Variants in LECT2 observed in about 807,000 individuals in gnomAD.
The protein encoded by LECT2 is leukocyte cell-derived chemotaxin-2.
LECT2 carries 11 observed loss-of-function variants against 16.6 expected under a neutral mutation model. The ratio of observed to expected loss-of-function variants is 0.66; its 90% CI spans 0.42 to 1.09. The LOEUF is 1.09. LECT2 is among the 50% of genes least tolerant of loss of function. LECT2 has a pLI of 0.00. For synonymous variants in LECT2, 54 were observed against 64.8 expected (o/e 0.83, Z 0.80); for missense variants, 173 against 184.2 (o/e 0.94, Z 0.35).
chr5:135,947,400 A>C lies in LECT2; in HGVS notation c.387T>G (p.Val129=), dbSNP rs1207506776. 1.2e-6 allele frequency: 2 copies of C among 1,614,016 alleles called. No homozygotes were observed. Among genetic ancestry groups the C allele is most frequent in the Admixed American group, 3.3e-5 (2 of 60,010 alleles). Residue 129 remains valine (V), a synonymous_variant, in exon 4 of 4, where the codon GTT becomes GTG. Transcript: ENST00000274507. ...GCACATGCGATTGTATGCCAGGATA[A>C]ACTTTCTGCAAGGGCAATAGAGTTC... ...KLGTLLPLQK[V]YPGIQSHVHI... is the part of the protein sequence containing the mutation.
At chr5:135,950,353 GTTTAATTCTA>G (rs1254665884) in intron 3 of LECT2, among the ~76,000 whole-genome samples, 1 of 152,218 alleles carries the variant, frequency 6.6e-6, no homozygotes, top group Non-Finnish European at 1.5e-5. Context: ...AGTGCATGCT[GTTTAATTCTA>G]TTTATACCAT....
At chr5:135,947,648 G>T in intron 3 of LECT2, 151 bp from the exon 4 acceptor site, 1 of 956,382 alleles carries the variant, frequency 1.0e-6, no homozygotes. Flanking sequence ...TATTAAAAAG[G>T]AAGACTAAAT....
intron 2 of LECT2, 146 bp downstream of exon 2, chr5:135,952,724 TC>T: frequency 1.7e-6 from 1 of 598,912 alleles, no homozygotes; most frequent in Admixed American, 2.6e-5. Flanking sequence ...TGGAAGCTGC[TC>T]CAAAGACAGT....
intron 1 of LECT2, among the ~76,000 whole-genome samples, chr5:135,954,190 A>G (rs1763830810): frequency 6.6e-6 from 1 of 152,238 alleles, no homozygotes; most frequent in South Asian, 2.1e-4. Context: ...GAACCTACAG[A>G]ATATGGCCAT....
At position 135,954,890 on chromosome 5, in the gene LECT2, T is replaced by G; in HGVS notation, c.-57A>C. ...ATTAGAGTTGCCCCCACACTCTCTT[T>G]GAAGAATATTCAAGTTTGAATGAAT... On this transcript the variant is annotated 5_prime_UTR_variant, in exon 1 of 4. Coordinates refer to ENST00000274507, the MANE Select transcript of LECT2 (RefSeq NM_002302.3). 1 of 1,255,488 alleles carries G rather than the reference T, an allele frequency of 8.0e-7. No individual in the cohort carries two copies. Among genetic ancestry groups the G allele is most frequent in the African/African-American group, 1.5e-5 (1 of 68,074 alleles). 77.8% of individuals were successfully genotyped at this position (1,255,488 alleles called of 1,614,324 possible).
At position 135,954,901 on chromosome 5, in the gene LECT2, C is replaced by CTTGTCAAAAAATCAGGCTA; in HGVS notation, c.-69_-68insTAGCCTGATTTTTTGACAA. 2 of 1,170,208 alleles carry CTTGTCAAAAAATCAGGCTA rather than the reference C, an allele frequency of 1.7e-6. No homozygotes were observed. Among genetic ancestry groups the CTTGTCAAAAAATCAGGCTA allele is most frequent in the Middle Eastern group, 1.9e-4 (1 of 5,182 alleles). The allele number at this position is 1,170,208 out of a possible 1,614,324, so 72.5% of individuals were successfully genotyped here. On this transcript the variant is annotated 5_prime_UTR_variant, in exon 1 of 4. Transcript: ENST00000274507. Reference sequence around the variant, plus strand: ...CCCCACACTCTCTTTGAAGAATATTCAAGTTTGAATGAATACTTCCTAGCT... The same window carrying CTTGTCAAAAAATCAGGCTA: ...CCCCACACTCTCTTTGAAGAATATTCTTGTCAAAAAATCAGGCTAAAGTTTGAATGAATACTTCCTAGCT...
At chr5:135,950,499 T>C (rs31520) in intron 3 of LECT2, among the ~76,000 whole-genome samples, 120,444 of 152,170 alleles carry the variant, frequency 0.79, 48,417 homozygotes, top group African/African-American at 0.94. Context: ...TTTTCTTGAT[T>C]TGGGTGCTGA....
chr5:135,951,630 A>T, intron 2 of LECT2: 1 of 363,684 alleles, frequency 2.7e-6, no homozygotes, highest in Non-Finnish European at 4.9e-6. Flanking sequence ...AATATTAGCT[A>T]CTATTATTTT....
At chr5:135,952,427 C>A (rs1378801988) in intron 2 of LECT2, among the ~76,000 whole-genome samples, 4 of 152,176 alleles carry the variant, frequency 2.6e-5, no homozygotes, top group African/African-American at 9.7e-5. Flanking sequence ...GAGCCTGAGC[C>A]AGTAACCGCG....
intron 1 of LECT2, 149 bp downstream of exon 1, chr5:135,954,639 C>A: frequency 1.6e-6 from 1 of 626,650 alleles, no homozygotes. Flanking sequence ...TCCTCAGGAC[C>A]ATGTGTCATT....
chr5:135,948,108 C>G (rs2126875223), intron 3 of LECT2, among the ~76,000 whole-genome samples: 1 of 151,118 alleles, frequency 6.6e-6, no homozygotes, highest in East Asian at 1.9e-4. Context: ...AGCACATGGA[C>G]AAAGATTTGC....
chr5:135,954,901 C>T lies in LECT2; in HGVS notation c.-68G>A. On this transcript the variant is annotated 5_prime_UTR_variant, in exon 1 of 4. Transcript: ENST00000274507. ...CCCCACACTCTCTTTGAAGAATATT[C>T]AAGTTTGAATGAATACTTCCTAGCT... The T allele has an allele frequency of 8.5e-7, 1 of 1,170,088 alleles. No homozygotes were observed. The highest frequency in any genetic ancestry group is 2.3e-5 in the East Asian group (1 of 42,594). The allele number at this position is 1,170,088 out of a possible 1,614,324, so 72.5% of individuals were successfully genotyped here. A position where few individuals can be genotyped will look rare whatever the true frequency, so the allele number is the denominator to read the frequency against.
intron 1 of LECT2, among the ~76,000 whole-genome samples, chr5:135,953,713 C>G (rs1045917964): frequency 6.6e-5 from 10 of 152,014 alleles, no homozygotes; most frequent in African/African-American, 2.4e-4. Flanking sequence ...CTAATCAAAT[C>G]CAAGCAAATG....
intron 3 of LECT2, among the ~76,000 whole-genome samples, chr5:135,948,318 C>T (rs182065233): frequency 4.7e-4 from 72 of 152,254 alleles, no homozygotes; most frequent in African/African-American, 1.6e-3. Context: ...TGCCAGGAAA[C>T]ATAGATAGAA....
chr5:135,954,778 T>C lies in LECT2; in HGVS notation c.46+10A>G, dbSNP rs923037933. ...TTAATCAATATTCTAAAATTGCACT[T>C]TCGACTTACCGGTAGAAATCAGACC... On this transcript the variant is annotated intron_variant, in intron 1 of 3. Coordinates refer to ENST00000274507, the MANE Select transcript of LECT2 (RefSeq NM_002302.3). 2 of 1,608,218 alleles carry C rather than the reference T, an allele frequency of 1.2e-6. No homozygotes were observed. The highest frequency in any genetic ancestry group is 2.7e-5 in the African/African-American group (2 of 74,818).
chr5:135,948,375 C>A (rs1047431601), intron 3 of LECT2, among the ~76,000 whole-genome samples: 1 of 151,986 alleles, frequency 6.6e-6, no homozygotes, highest in Non-Finnish European at 1.5e-5. Flanking sequence ...CACTGCAAAC[C>A]GGTCAAGTGA....
chr5:135,950,154 G>A (rs753732346), intron 3 of LECT2, among the ~76,000 whole-genome samples: 15 of 152,174 alleles, frequency 9.9e-5, no homozygotes, highest in Non-Finnish European at 1.8e-4. Flanking sequence ...TCATTAAAAG[G>A]TATAAGGAAG....
At chr5:135,953,207 T>C in intron 1 of LECT2, 1 of 186,656 alleles carries the variant, frequency 5.4e-6, no homozygotes, top group Non-Finnish European at 1.1e-5. Flanking sequence ...GTGAATACAA[T>C]TTTTTTTTTT....
rs974536712 is a variant in LECT2, at chr5:135,954,775, A to G, written c.46+13T>C. On this transcript the variant is annotated intron_variant, in intron 1 of 3. Coordinates refer to ENST00000274507, the MANE Select transcript of LECT2 (RefSeq NM_002302.3). ...AAGTTAATCAATATTCTAAAATTGC[A>G]CTTTCGACTTACCGGTAGAAATCAG... The G allele has an allele frequency of 6.2e-7, 1 of 1,602,466 alleles. No homozygotes were observed. Among genetic ancestry groups the G allele is most frequent in the African/African-American group, 1.3e-5 (1 of 74,664 alleles).
Sources: allele counts gnomAD v4.1 joint callset (sites outside exome capture counted in the v4.1 genomes callset), GRCh38; gene constraint gnomAD v4.1.1; transcripts MANE v1.5; gene names NCBI Gene and HGNC (gene_info 2026-07-23, HGNC 2026-07-21).